Variants in HDAC9 observed in about 807,000 individuals in gnomAD.
HDAC9 encodes histone deacetylase 9.
Under a neutral mutation model 139.4 loss-of-function variants are expected in HDAC9, and 41 were observed. That is an observed-to-expected ratio of 0.29 (90% CI 0.23 to 0.38). The LOEUF (loss-of-function observed/expected upper bound fraction) is 0.38, where lower values mean the gene tolerates loss of function less well. Among genes scored for constraint, HDAC9 ranks in the 10% least tolerant of loss-of-function variants. HDAC9 has a pLI of 1.00. For synonymous variants in HDAC9, 517 were observed against 476.2 expected (o/e 1.09, Z -1.12); for missense variants, 1,147 against 1,297.0 (o/e 0.88, Z 1.78).
intron 17 of HDAC9, among the ~76,000 whole-genome samples, chr7:18,817,131 T>TTCTTCTGCC: frequency 6.6e-6 from 1 of 150,598 alleles, no homozygotes; most frequent in African/African-American, 2.4e-5. Flanking sequence ...GCCTCCGGGG[T>TTCTTCTGCC]TCACGCCATT....
intron 2 of HDAC9, among the ~76,000 whole-genome samples, chr7:18,545,149 C>T (rs554597636): frequency 6.6e-6 from 1 of 152,280 alleles, no homozygotes; most frequent in East Asian, 1.9e-4. Context: ...TGCTTAGACA[C>T]CCCAGGGTGG....
At chr7:18,956,847 C>T (rs962668996) in intron 24 of HDAC9, among the ~76,000 whole-genome samples, 2 of 152,108 alleles carry the variant, frequency 1.3e-5, no homozygotes, top group African/African-American at 4.8e-5. Context: ...GCTTCATGGG[C>T]ATTCAGCCTG....
chr7:18,787,376 G>C (rs1791912031), intron 16 of HDAC9, among the ~76,000 whole-genome samples: 1 of 152,142 alleles, frequency 6.6e-6, no homozygotes, highest in Admixed American at 6.5e-5. Flanking sequence ...GTTAGGTCCA[G>C]ACCCTCCTAC....
chr7:18,211,672 T>C (rs1055601286), intron 2 of HDAC9, among the ~76,000 whole-genome samples: 11 of 152,306 alleles, frequency 7.2e-5, no homozygotes, highest in Non-Finnish European at 1.3e-4. Flanking sequence ...GAATGACTTT[T>C]GTGGTTATGT....
intron 6 of HDAC9, among the ~76,000 whole-genome samples, chr7:18,607,282 G>A (rs1835785965): frequency 6.6e-6 from 1 of 152,150 alleles, no homozygotes; most frequent in African/African-American, 2.4e-5. Flanking sequence ...CAAATATTTT[G>A]CTTGCAGAAA....
At chr7:18,525,799 A>G (rs918263415) in intron 2 of HDAC9, among the ~76,000 whole-genome samples, 1 of 152,144 alleles carries the variant, frequency 6.6e-6, no homozygotes, top group Admixed American at 6.6e-5. Context: ...CCTGGAACTT[A>G]GATCCTTTGG....
intron 1 of HDAC9, among the ~76,000 whole-genome samples, chr7:18,130,240 G>A (rs1784917120): frequency 6.6e-6 from 1 of 152,040 alleles, no homozygotes; most frequent in Non-Finnish European, 1.5e-5. Flanking sequence ...TCAGATTTTG[G>A]AGCATTTTGG....
At chr7:18,932,070 A>T (rs1444148283) in intron 22 of HDAC9, among the ~76,000 whole-genome samples, 9 of 152,208 alleles carry the variant, frequency 5.9e-5, no homozygotes. Flanking sequence ...ATATGGAAAG[A>T]AAGAGACTGG....
intron 21 of HDAC9, among the ~76,000 whole-genome samples, chr7:18,869,786 T>G (rs1466628246): frequency 1.3e-5 from 2 of 151,614 alleles, no homozygotes; most frequent in Non-Finnish European, 2.9e-5. Flanking sequence ...GTTTAGAGAG[T>G]TTTCCTGACA....
chr7:18,501,495 A>G (rs1798350660), intron 2 of HDAC9, among the ~76,000 whole-genome samples: 1 of 152,204 alleles, frequency 6.6e-6, no homozygotes, highest in Non-Finnish European at 1.5e-5. Context: ...AGTATTTAGT[A>G]CATTTATAGT....
intron 1 of HDAC9, among the ~76,000 whole-genome samples, chr7:18,115,802 ATAC>A (rs1391477372): frequency 4.6e-5 from 7 of 152,234 alleles, no homozygotes; most frequent in African/African-American, 1.7e-4. Flanking sequence ...CTAGAAGCTG[ATAC>A]TACTATCATC....
At chr7:18,265,800 A>G (rs1359551345) in intron 2 of HDAC9, among the ~76,000 whole-genome samples, 1 of 152,152 alleles carries the variant, frequency 6.6e-6, no homozygotes, top group African/African-American at 2.4e-5. Flanking sequence ...TCTGCATGCA[A>G]TCTGTAGCAA....
chr7:18,247,310 G>A (rs1300795944), intron 2 of HDAC9, among the ~76,000 whole-genome samples: 1 of 151,956 alleles, frequency 6.6e-6, no homozygotes, highest in East Asian at 1.9e-4. Flanking sequence ...TGAGCACTGG[G>A]GCATATTCTC....
chr7:18,467,347 C>G (rs1794365899), intron 1 of HDAC9, among the ~76,000 whole-genome samples: 1 of 152,148 alleles, frequency 6.6e-6, no homozygotes, highest in African/African-American at 2.4e-5. Context: ...TTGAATGTTT[C>G]CAGTTTATCT....
At chr7:18,587,204 A>T (rs1055721561) in intron 3 of HDAC9, among the ~76,000 whole-genome samples, 1 of 152,186 alleles carries the variant, frequency 6.6e-6, no homozygotes, top group African/African-American at 2.4e-5. Flanking sequence ...TTTACTCAAA[A>T]GGTAATAGTA....
chr7:18,975,736 G>A (rs779032765), intron 24 of HDAC9, 70 bp from the exon 25 acceptor site: 175 of 1,420,200 alleles, frequency 1.2e-4, no homozygotes, highest in Admixed American at 3.3e-4. Flanking sequence ...TGAGTTGGAC[G>A]TATGTGAGTA....
intron 8 of HDAC9, among the ~76,000 whole-genome samples, chr7:18,642,413 C>T (rs977518361): frequency 3.3e-5 from 5 of 152,054 alleles, no homozygotes; most frequent in African/African-American, 1.2e-4. Context: ...AGTCATACTC[C>T]CTGTAGCAGC....
chr7:18,970,603 A>T (rs1354043526), intron 24 of HDAC9, among the ~76,000 whole-genome samples: 1 of 152,196 alleles, frequency 6.6e-6, no homozygotes, highest in African/African-American at 2.4e-5. Context: ...GTTTTGGATC[A>T]TGCCAAAGTT....
At chr7:18,666,539 A>G in intron 12 of HDAC9, 63 bp downstream of exon 12, 2 of 1,564,062 alleles carry the variant, frequency 1.3e-6, no homozygotes, top group Non-Finnish European at 1.7e-6. Flanking sequence ...CATGAAATGC[A>G]TTGCAGGTTT....
Sources: allele counts gnomAD v4.1 joint callset (sites outside exome capture counted in the v4.1 genomes callset), GRCh38; gene constraint gnomAD v4.1.1; transcripts MANE v1.5; gene names NCBI Gene and HGNC (gene_info 2026-07-23, HGNC 2026-07-21).